The following SOX5 variants were observed in gnomAD, a reference collection of about 807,000 sequenced individuals.
The protein encoded by SOX5 is transcription factor SOX-5.
A neutral mutation model predicts 92.0 loss-of-function variants in SOX5; 9 were observed. The observed-to-expected ratio is 0.10, with a 90% confidence interval of 0.06 to 0.17. The LOEUF (loss-of-function observed/expected upper bound fraction) is 0.17, where lower values mean the gene tolerates loss of function less well. Among genes scored for constraint, SOX5 ranks in the 10% least tolerant of loss-of-function variants. SOX5 has a pLI of 1.00. For synonymous variants in SOX5, 344 were observed against 336.3 expected (o/e 1.02, Z -0.25); for missense variants, 642 against 944.5 (o/e 0.68, Z 4.20).
intron 4 of SOX5, among the ~76,000 whole-genome samples, chr12:23,746,109 A>G (rs2141077134): frequency 6.6e-6 from 1 of 152,302 alleles, no homozygotes; most frequent in East Asian, 1.9e-4. Flanking sequence ...AAAAGTACTA[A>G]ACTGAGATGA....
chr12:24,095,609 T>C (rs1322649755), intron 4 of SOX5, among the ~76,000 whole-genome samples: 2 of 152,162 alleles, frequency 1.3e-5, no homozygotes, highest in East Asian at 3.8e-4. Context: ...TACAAGATTA[T>C]CATTAACCAA....
chr12:24,358,968 C>A (rs73064470), intron 2 of SOX5, among the ~76,000 whole-genome samples: 1 of 152,172 alleles, frequency 6.6e-6, no homozygotes, highest in Non-Finnish European at 1.5e-5. Context: ...TCTATCCCCA[C>A]TTCTCAGATA....
Position 24,343,444 on chromosome 12 carries a change from T to C in SOX5, c.-174+25119A>G, listed in dbSNP as rs553901382. On this transcript the variant is annotated intron_variant, in intron 2 of 4. Transcript: ENST00000446891. Reference sequence around the variant, plus strand: ...GACACAAAATAAATTTATTTATTTATATATATAATAGGTATATATTATATA... The same window carrying C: ...GACACAAAATAAATTTATTTATTTACATATATAATAGGTATATATTATATA... 4.0e-5 allele frequency among the ~76,000 whole-genome samples: 6 copies of C among 150,386 alleles called. No individual in the cohort carries two copies. The East Asian group carries it at 7.8e-4, about 19-fold the overall frequency.
At chr12:24,160,738 A>C (rs1324220306) in intron 4 of SOX5, among the ~76,000 whole-genome samples, 1 of 152,098 alleles carries the variant, frequency 6.6e-6, no homozygotes, top group Admixed American at 6.6e-5. Flanking sequence ...TTTATGGCCC[A>C]AACTGAACTG....
At chr12:23,974,826 A>T (rs1948735064) in intron 4 of SOX5, among the ~76,000 whole-genome samples, 1 of 152,200 alleles carries the variant, frequency 6.6e-6, no homozygotes. Context: ...AAAAGTGGGG[A>T]GAATTAGAAT....
chr12:24,388,610 T>G (rs1958663026), intron 1 of SOX5, among the ~76,000 whole-genome samples: 1 of 152,152 alleles, frequency 6.6e-6, no homozygotes, highest in South Asian at 2.1e-4. Flanking sequence ...AAACAACTTT[T>G]TTGAGATGTT....
chr12:24,467,541 C>G (rs779482799), intron 1 of SOX5, among the ~76,000 whole-genome samples: 2 of 152,050 alleles, frequency 1.3e-5, no homozygotes, highest in Non-Finnish European at 2.9e-5. Context: ...AAAATTGGTA[C>G]GTGCAGGAAC....
intron 4 of SOX5, among the ~76,000 whole-genome samples, chr12:24,062,314 T>C (rs1939882801): frequency 6.6e-6 from 1 of 152,228 alleles, no homozygotes; most frequent in Admixed American, 6.5e-5. Context: ...TATTTCTAAC[T>C]TCTCTTTCTG....
chr12:23,949,528 T>C (rs756720893), intron 1 of SOX5, 36 bp downstream of exon 1: 6 of 1,612,020 alleles, frequency 3.7e-6, no homozygotes, highest in Non-Finnish European at 4.2e-6. Context: ...GGGAGAGTTG[T>C]ACTTCAATAT....
intron 3 of SOX5, among the ~76,000 whole-genome samples, chr12:23,787,750 G>A (rs1007763776): frequency 1.3e-5 from 2 of 151,880 alleles, no homozygotes; most frequent in Non-Finnish European, 2.9e-5. Context: ...CTTCAACTTA[G>A]TATAGGTTGA....
At chr12:24,139,150 C>T (rs182917092) in intron 4 of SOX5, among the ~76,000 whole-genome samples, 3 of 152,266 alleles carry the variant, frequency 2.0e-5, no homozygotes, top group East Asian at 3.9e-4. Context: ...TGTTATTATA[C>T]ACTGACACTC....
chr12:24,304,955 A>G (rs1224603437), intron 2 of SOX5, among the ~76,000 whole-genome samples: 3 of 152,084 alleles, frequency 2.0e-5, no homozygotes, highest in African/African-American at 4.8e-5. Flanking sequence ...ACCACAACAC[A>G]AAGACAACTG....
intron 3 of SOX5, among the ~76,000 whole-genome samples, chr12:23,828,753 CAAA>C (rs149215692): frequency 1.5e-5 from 2 of 133,064 alleles, no homozygotes; most frequent in African/African-American, 2.8e-5. Context: ...TTCAGGACAT[CAAA>C]AAAAAAAAAA....
chr12:23,996,509 G>A (rs1246824638), intron 4 of SOX5, among the ~76,000 whole-genome samples: 1 of 152,148 alleles, frequency 6.6e-6, no homozygotes, highest in East Asian at 1.9e-4. Flanking sequence ...TGGACATTAA[G>A]TGTTCAAAGC....
chr12:24,262,526 T>C (rs1469889351), intron 3 of SOX5, among the ~76,000 whole-genome samples: 9 of 152,204 alleles, frequency 5.9e-5, no homozygotes, highest in Non-Finnish European at 1.3e-4. Context: ...ATAATCTACA[T>C]GGGCAAACAT....
chr12:23,713,958 G>A (rs182318478), intron 6 of SOX5, among the ~76,000 whole-genome samples: 3 of 150,810 alleles, frequency 2.0e-5, no homozygotes, highest in African/African-American at 4.8e-5. Flanking sequence ...TGGGTGTGGC[G>A]GTGCACACCT....
chr12:23,584,678 G>A (rs1383188899), intron 9 of SOX5: 9 of 1,113,882 alleles, frequency 8.1e-6, no homozygotes, highest in Non-Finnish European at 1.2e-5. Flanking sequence ...TTTGGGAGAT[G>A]AGTGAAGGCC....
intron 11 of SOX5, among the ~76,000 whole-genome samples, chr12:23,562,409 C>T (rs2136337030): frequency 6.6e-6 from 1 of 152,320 alleles, no homozygotes; most frequent in Admixed American, 6.5e-5. Context: ...TAGCAATCTG[C>T]TCATTCTGGA....
In SOX5 at chr12:24,349,608, A is replaced by T. The variant is rs376920775; in HGVS notation, c.-174+18955T>A. ...TTATTCATATAATAGCATGTGTCAG[A>T]ATTTCCTTCCTTTTTAAAGCTGAGT... On this transcript the variant is annotated intron_variant, in intron 2 of 4. Coordinates refer to the SOX5 transcript ENST00000446891. Among the ~76,000 whole-genome samples the T allele has an allele frequency of 1.2e-4, 18 of 152,290 alleles. No homozygotes were observed. In the East Asian group the frequency reaches 3.1e-3, roughly 26 times the overall value.
Sources: allele counts gnomAD v4.1 joint callset (sites outside exome capture counted in the v4.1 genomes callset), GRCh38; gene constraint gnomAD v4.1.1; transcripts MANE v1.5; gene names NCBI Gene and HGNC (gene_info 2026-07-23, HGNC 2026-07-21).